Variants in KDM4C observed in about 807,000 individuals in gnomAD.
KDM4C encodes lysine-specific demethylase 4C.
Under a neutral mutation model 129.3 loss-of-function variants are expected in KDM4C, and 81 were observed. The observed-to-expected ratio is 0.63, with a 90% CI of 0.52 to 0.75. The LOEUF (loss-of-function observed/expected upper bound fraction) is 0.75, where lower values mean the gene tolerates loss of function less well. Ranked by LOEUF, KDM4C falls within the 30% of genes least tolerant of loss-of-function variation. The pLI, the probability that KDM4C is intolerant of heterozygous loss-of-function variation, is 0.00. For synonymous variants in KDM4C, 573 were observed against 456.1 expected (o/e 1.26, Z -3.26); for missense variants, 1,457 against 1,304.0 (o/e 1.12, Z -1.81).
intron 17 of KDM4C, among the ~76,000 whole-genome samples, chr9:7,095,542 G>C (rs1241090578): frequency 6.6e-6 from 1 of 151,240 alleles, no homozygotes; most frequent in African/African-American, 2.4e-5. Context: ...CTTGTTCTTG[G>C]AGCAATAGAG....
chr9:7,076,076 T>C (rs1215075669), intron 17 of KDM4C, among the ~76,000 whole-genome samples: 2 of 152,194 alleles, frequency 1.3e-5, no homozygotes, highest in East Asian at 1.9e-4. Flanking sequence ...ACATGTGTTA[T>C]CTTTGTGATC....
intron 8 of KDM4C, among the ~76,000 whole-genome samples, chr9:6,900,965 AG>A (rs1163015674): frequency 9.4e-6 from 1 of 106,080 alleles, no homozygotes; most frequent in Non-Finnish European, 2.0e-5. Context: ...TTGAAGCTTT[AG>A]GATTCTTTTT....
At chr9:7,051,862 C>T (rs1434257753) in intron 17 of KDM4C, among the ~76,000 whole-genome samples, 1 of 152,148 alleles carries the variant, frequency 6.6e-6, no homozygotes, top group African/African-American at 2.4e-5. Context: ...AGTTTTTGTT[C>T]TGTCAACCTT....
intron 11 of KDM4C, among the ~76,000 whole-genome samples, chr9:6,989,410 G>T (rs1361284311): frequency 6.6e-6 from 1 of 151,994 alleles, no homozygotes; most frequent in African/African-American, 2.4e-5. Context: ...ATTTTGCGTT[G>T]TGCGAGCAAG....
At chr9:6,879,660 A>G (rs1364891000) in intron 5 of KDM4C, among the ~76,000 whole-genome samples, 1 of 152,144 alleles carries the variant, frequency 6.6e-6, no homozygotes, top group African/African-American at 2.4e-5. Context: ...AACCAAAACA[A>G]CCCTAGAGTG....
intron 12 of KDM4C, among the ~76,000 whole-genome samples, chr9:7,011,025 G>C (rs367643374): frequency 6.6e-6 from 1 of 151,908 alleles, no homozygotes; most frequent in African/African-American, 2.4e-5. Flanking sequence ...GCCTGGGCAC[G>C]AAGAGCAAAA....
chr9:6,905,943 G>GTT (rs1818236551), intron 8 of KDM4C, among the ~76,000 whole-genome samples: 1 of 152,140 alleles, frequency 6.6e-6, no homozygotes, highest in African/African-American at 2.4e-5. Flanking sequence ...ATGATTTGGA[G>GTT]TTCAGATCCA....
At chr9:7,073,642 T>C (rs957920134) in intron 17 of KDM4C, among the ~76,000 whole-genome samples, 8 of 152,264 alleles carry the variant, frequency 5.3e-5, no homozygotes, top group African/African-American at 1.9e-4. Flanking sequence ...CAGAGTACTT[T>C]AAATGTGTGC....
At chr9:7,162,266 C>A (rs568025327) in intron 19 of KDM4C, among the ~76,000 whole-genome samples, 156 of 152,234 alleles carry the variant, frequency 1.0e-3, no homozygotes, top group African/African-American at 3.7e-3. Flanking sequence ...ATTGAGAAAG[C>A]AAACTGAAAT....
At chr9:6,904,520 C>G (rs1438017064) in intron 8 of KDM4C, among the ~76,000 whole-genome samples, 1 of 151,706 alleles carries the variant, frequency 6.6e-6, no homozygotes, top group Non-Finnish European at 1.5e-5. Context: ...GCTCATGGCT[C>G]TGTTTGCATT....
chr9:7,044,519 G>A (rs1180667164), intron 15 of KDM4C, among the ~76,000 whole-genome samples: 1 of 151,966 alleles, frequency 6.6e-6, no homozygotes, highest in Non-Finnish European at 1.5e-5. Flanking sequence ...GAACAGGGTG[G>A]ATTTGGAGGT....
chr9:6,814,625 T>A lies in KDM4C; in HGVS notation c.321-6T>A. 2.6e-6 allele frequency: 4 copies of A among 1,564,978 alleles called. No individual in the cohort carries two copies. In the Middle Eastern group the frequency reaches 5.0e-4, roughly 197 times the overall value. ...TTTGTACATTTTTGTCATCTACCTT[T>A]TACAGATATTGTACTCCAAGATACT... On this transcript the variant is annotated splice_region_variant and splice_polypyrimidine_tract_variant and intron_variant, in intron 3 of 21. Coordinates refer to ENST00000381309, the MANE Select transcript of KDM4C (RefSeq NM_015061.6).
rs991707467 is a variant in KDM4C at position 6,935,608 on chromosome 9, A to G, written c.921+42376A>G. ...AATTTTTTTTTTTTTTGAGATGGAT[A>G]TTGTGCCTATATTTCTCCTTTCTAA... On this transcript the variant is annotated intron_variant, in intron 8 of 21. Transcript: ENST00000381309. Among the ~76,000 whole-genome samples, 3 of 149,770 alleles carry G rather than the reference A, an allele frequency of 2.0e-5. 1 individual carries two copies. Among genetic ancestry groups the G allele is most frequent in the Admixed American group, 2.0e-4 (3 of 14,978 alleles).
intron 1 of KDM4C, among the ~76,000 whole-genome samples, chr9:6,789,408 A>G (rs991896209): frequency 1.3e-5 from 2 of 151,850 alleles, no homozygotes; most frequent in African/African-American, 4.8e-5. Context: ...TTTAGTAGAG[A>G]CGGGGTTTCT....
chr9:6,728,200 T>C (rs950434517), intron 1 of KDM4C, among the ~76,000 whole-genome samples: 2 of 152,008 alleles, frequency 1.3e-5, no homozygotes, highest in African/African-American at 4.8e-5. Flanking sequence ...CTTCTTGCCA[T>C]TGGTGGGTGG....
At chr9:6,961,671 A>C (rs1401663602) in intron 8 of KDM4C, among the ~76,000 whole-genome samples, 1 of 152,252 alleles carries the variant, frequency 6.6e-6, no homozygotes, top group Non-Finnish European at 1.5e-5. Flanking sequence ...CAAAATTCAA[A>C]TAGGTGAGTG....
intron 1 of KDM4C, among the ~76,000 whole-genome samples, chr9:6,751,896 T>A (rs1450722585): frequency 6.6e-6 from 1 of 152,140 alleles, no homozygotes; most frequent in East Asian, 1.9e-4. Context: ...TTGATAAATT[T>A]GAGGTAAACT....
Position 6,990,539 on chromosome 9 carries a change from CTTTTTGGGATTTTT to C in KDM4C, c.1786+21_1786+34del. The C allele has an allele frequency of 6.8e-7, 1 of 1,464,148 alleles. No homozygotes were observed. Among genetic ancestry groups the C allele is most frequent in the Non-Finnish European group, 9.1e-7 (1 of 1,100,250 alleles). The allele number at this position is 1,464,148 out of a possible 1,614,324, so 90.7% of individuals were successfully genotyped here. A position where few individuals can be genotyped will look rare whatever the true frequency, so the allele number is the denominator to read the frequency against. On this transcript the variant is annotated intron_variant, in intron 12 of 21. Coordinates refer to ENST00000381309, the MANE Select transcript of KDM4C (RefSeq NM_015061.6). ...AAGTGATGAAGGTGAGATGGTGACCCTTTTTGGGATTTTTTTTTTTTTTTTTGGTGTGTAAAACA... is the reference window on the plus strand; with the variant it reads ...AAGTGATGAAGGTGAGATGGTGACCCTTTTTTTTTTTTGGTGTGTAAAACA...
chr9:6,932,756 G>A (rs1823987316), intron 8 of KDM4C, among the ~76,000 whole-genome samples: 1 of 152,140 alleles, frequency 6.6e-6, no homozygotes, highest in African/African-American at 2.4e-5. Context: ...CACGTTTAGG[G>A]GCATTTTTTT....
Sources: allele counts gnomAD v4.1 joint callset (sites outside exome capture counted in the v4.1 genomes callset), GRCh38; gene constraint gnomAD v4.1.1; transcripts MANE v1.5; gene names NCBI Gene and HGNC (gene_info 2026-07-23, HGNC 2026-07-21).